The following NAV3 variants were observed in gnomAD, a reference collection of about 807,000 sequenced individuals.
NAV3 encodes the protein pore membrane and/or filament interacting like protein 1.
NAV3 carries 87 observed loss-of-function variants against 244.7 expected under a neutral mutation model. That is an observed-to-expected ratio of 0.36 (90% CI 0.30 to 0.42). The LOEUF is 0.42. Among genes scored for constraint, NAV3 ranks in the 20% least tolerant of loss-of-function variants. The probability of loss-of-function intolerance (pLI) is 1.00; values close to 1 mark genes in which losing one functional copy is unlikely to be tolerated. For synonymous variants in NAV3, 1,126 were observed against 1,042.2 expected, an observed-to-expected ratio of 1.08 and a Z score of -1.55; for missense variants, 2,663 against 2,893.3, an observed-to-expected ratio of 0.92 and a Z score of 1.83.
chr12:77,959,703 C>A (rs981969111), intron 3 of NAV3, among the ~76,000 whole-genome samples: 1 of 151,440 alleles, frequency 6.6e-6, no homozygotes, highest in Non-Finnish European at 1.5e-5. Flanking sequence ...CTATTAATCC[C>A]AAAATATAAT....
intron 1 of NAV3, among the ~76,000 whole-genome samples, chr12:77,895,955 TAAAAAAAAAAA>T (rs755975061): frequency 9.6e-6 from 1 of 104,620 alleles, no homozygotes; most frequent in Admixed American, 1.0e-4. Context: ...CAATTTCCAG[TAAAAAAAAAAA>T]AAAAAAAAAA....
At chr12:77,578,895 T>G (rs749036285) in intron 2 of NAV3, among the ~76,000 whole-genome samples, 76 of 140,132 alleles carry the variant, frequency 5.4e-4, no homozygotes, top group Non-Finnish European at 1.1e-3. Flanking sequence ...ACCTTTATTC[T>G]ATTCGTTAAA....
intron 3 of NAV3, among the ~76,000 whole-genome samples, chr12:77,943,698 C>A (rs1008445673): frequency 1.3e-5 from 2 of 152,146 alleles, no homozygotes; most frequent in Non-Finnish European, 2.9e-5. Flanking sequence ...GGAGGTGCTA[C>A]ATTAGTAAGA....
intron 2 of NAV3, among the ~76,000 whole-genome samples, chr12:77,615,103 T>C (rs1029987852): frequency 7.9e-5 from 12 of 152,150 alleles, no homozygotes; most frequent in African/African-American, 2.9e-4. Flanking sequence ...AAATATTTCT[T>C]GGGTTTTTTG....
chr12:77,892,181 G>A (rs1043779721), intron 1 of NAV3, among the ~76,000 whole-genome samples: 1 of 152,154 alleles, frequency 6.6e-6, no homozygotes, highest in Non-Finnish European at 1.5e-5. Context: ...ATTAATTGCT[G>A]AAATAAATGA....
chr12:77,975,720 G>C (rs1188778508), intron 5 of NAV3, among the ~76,000 whole-genome samples: 2 of 152,084 alleles, frequency 1.3e-5, no homozygotes, highest in African/African-American at 2.4e-5. Context: ...AAGAAGAGTA[G>C]ATATAATTCA....
At chr12:78,039,690 C>T (rs1161669265) in intron 9 of NAV3, among the ~76,000 whole-genome samples, 1 of 151,962 alleles carries the variant, frequency 6.6e-6, no homozygotes, top group Non-Finnish European at 1.5e-5. Context: ...TAATTAAAGC[C>T]TAAAAATTAA....
intron 1 of NAV3, among the ~76,000 whole-genome samples, chr12:77,903,099 C>T (rs1445044530): frequency 6.6e-6 from 1 of 152,146 alleles, no homozygotes; most frequent in Non-Finnish European, 1.5e-5. Context: ...ATGCCATCCC[C>T]ATCAAGCTAC....
At chr12:77,814,349 A>G (rs1419686955) in intron 2 of NAV3, among the ~76,000 whole-genome samples, 2 of 152,150 alleles carry the variant, frequency 1.3e-5, no homozygotes, top group East Asian at 1.9e-4. Context: ...GTGGCCTCCA[A>G]ATCAAATATT....
At chr12:77,684,755 T>C (rs1215488251) in intron 2 of NAV3, among the ~76,000 whole-genome samples, 1 of 152,172 alleles carries the variant, frequency 6.6e-6, no homozygotes, top group Non-Finnish European at 1.5e-5. Flanking sequence ...ATTGCCAAGA[T>C]ATTCTTTTTA....
chr12:77,934,298 T>G (rs1889110627), intron 1 of NAV3, among the ~76,000 whole-genome samples: 1 of 152,200 alleles, frequency 6.6e-6, no homozygotes, highest in Admixed American at 6.5e-5. Flanking sequence ...TTCTGTGCCC[T>G]TTTTGCTTTT....
intron 21 of NAV3, among the ~76,000 whole-genome samples, chr12:78,146,629 C>T (rs1052833487): frequency 6.6e-6 from 1 of 152,078 alleles, no homozygotes; most frequent in South Asian, 2.1e-4. Flanking sequence ...AGCTCAACAC[C>T]TAATAAGTTT....
chr12:78,184,638 T>C (rs1958636959), intron 30 of NAV3, among the ~76,000 whole-genome samples: 1 of 151,924 alleles, frequency 6.6e-6, no homozygotes, highest in East Asian at 1.9e-4. Context: ...ATAGAAACCA[T>C]TCTATTTTTG....
chr12:77,816,412 G>C (rs962971788), intron 2 of NAV3, among the ~76,000 whole-genome samples: 43 of 152,194 alleles, frequency 2.8e-4, no homozygotes, highest in African/African-American at 3.9e-4. Flanking sequence ...TGGAACAGTA[G>C]TGTCAGATAG....
At chr12:78,069,624 G>A (rs1952651537) in intron 12 of NAV3, among the ~76,000 whole-genome samples, 1 of 151,920 alleles carries the variant, frequency 6.6e-6, no homozygotes, top group Admixed American at 6.6e-5. Flanking sequence ...TATCTAAAGA[G>A]CTAGTGCAAT....
At chr12:78,124,981 T>C (rs929759535) in intron 16 of NAV3, among the ~76,000 whole-genome samples, 4 of 152,142 alleles carry the variant, frequency 2.6e-5, no homozygotes, top group African/African-American at 9.7e-5. Context: ...TAGATTAAAA[T>C]AAATTTTAAT....
At chr12:78,164,014 A>T (rs1957677003) in intron 23 of NAV3, among the ~76,000 whole-genome samples, 1 of 152,086 alleles carries the variant, frequency 6.6e-6, no homozygotes, top group Admixed American at 6.6e-5. Context: ...TGTGCAGCTT[A>T]ATTTTCTCAC....
chr12:78,051,658 A>G (rs1029517852), intron 11 of NAV3, among the ~76,000 whole-genome samples: 1 of 152,168 alleles, frequency 6.6e-6, no homozygotes, highest in Admixed American at 6.5e-5. Context: ...TCAGATTTCA[A>G]TACATCTCAG....
intron 12 of NAV3, among the ~76,000 whole-genome samples, chr12:78,078,283 C>T (rs1022551833): frequency 4.6e-5 from 7 of 150,766 alleles, no homozygotes; most frequent in Non-Finnish European, 4.4e-5. Context: ...ACAATTCAAC[C>T]GATAACATTC....
Sources: gnomAD v4.1 joint callset for allele counts (sites outside exome capture counted in the v4.1 genomes callset) on GRCh38, gnomAD v4.1.1 for gene constraint, MANE v1.5 for transcripts, NCBI Gene and HGNC (gene_info 2026-07-23, HGNC 2026-07-21) for gene names.